The following TET1 variants were observed in gnomAD, a reference collection of about 807,000 sequenced individuals.
TET1 encodes the protein methylcytosine dioxygenase TET1.
In TET1, 13 loss-of-function variants were observed where a neutral mutation model predicts 148.7. The observed-to-expected ratio is 0.09, with a 90% CI of 0.06 to 0.14. TET1 has a LOEUF of 0.14. TET1 is among the 10% of genes least tolerant of loss of function. TET1 has a pLI of 1.00. For missense variants in TET1, 2,182 were observed against 2,553.8 expected, an observed-to-expected ratio of 0.85 and a Z score of 3.14; for synonymous variants, 907 against 937.2, an observed-to-expected ratio of 0.97 and a Z score of 0.59.
At chr10:68,636,607 G>A (rs963941960) in intron 3 of TET1, among the ~76,000 whole-genome samples, 1 of 152,150 alleles carries the variant, frequency 6.6e-6, no homozygotes, top group Non-Finnish European at 1.5e-5. Context: ...CTGAGAGATC[G>A]AGACTGTAGT....
At position 68,691,612 on chromosome 10, in the gene TET1, C is replaced by T; in HGVS notation, c.6209C>T (p.Ala2070Val). ...GAACTAAACAAGATTAAGTTTGAGG[C>T]TAAAGAAGCTAAGAATAAGAAAATG... The part of the protein sequence containing the change: ...GFELNKIKFE[A>V]KEAKNKKMKA... The change falls in exon 12 of 12, where the codon GCT becomes GTT. Residue 2070 changes from alanine (A) to valine (V), a missense_variant. Transcript: ENST00000373644. This position sits in a 1 kb window ranked among gnomAD's most constrained non-coding sequence, Gnocchi z 4.4. The T allele has an allele frequency of 6.2e-7, 1 of 1,614,048 alleles. No homozygotes were observed. The highest frequency in any genetic ancestry group is 8.5e-7 in the Non-Finnish European group (1 of 1,180,012).
intron 3 of TET1, among the ~76,000 whole-genome samples, chr10:68,603,027 G>C (rs2054078777): frequency 6.6e-6 from 1 of 152,146 alleles, no homozygotes; most frequent in African/African-American, 2.4e-5. Flanking sequence ...AATGAAACCT[G>C]TGTTTGGGAG....
intron 8 of TET1, chr10:68,673,449 A>T: frequency 2.4e-6 from 1 of 412,950 alleles, no homozygotes; most frequent in Non-Finnish European, 4.9e-6. Flanking sequence ...AAGAAGATAT[A>T]TGAAACCGGA....
At chr10:68,562,156 T>C (rs2053561854) in intron 1 of TET1, among the ~76,000 whole-genome samples, 1 of 152,084 alleles carries the variant, frequency 6.6e-6, no homozygotes, top group African/African-American at 2.4e-5. Context: ...AGAGCGGCGC[T>C]GTATAGCAGC....
chr10:68,602,813 G>GA (rs1337263602), intron 3 of TET1, among the ~76,000 whole-genome samples: 6 of 151,792 alleles, frequency 4.0e-5, no homozygotes, highest in South Asian at 2.1e-4. Flanking sequence ...ATTCTAAAAG[G>GA]AAAAAAAATT....
intron 6 of TET1, among the ~76,000 whole-genome samples, chr10:68,661,436 C>A: frequency 7.0e-6 from 1 of 142,944 alleles, no homozygotes; most frequent in Non-Finnish European, 1.5e-5. Context: ...TTATCCTGTG[C>A]TTAGAGATTA....
In TET1 at chr10:68,573,915, C is replaced by T. The variant is rs749209014; in HGVS notation, c.1577C>T (p.Ala526Val). 8 of 1,614,060 alleles carry T rather than the reference C, an allele frequency of 5.0e-6. No individual in the cohort carries two copies. Among genetic ancestry groups the T allele is most frequent in the Non-Finnish European group, 6.8e-6 (8 of 1,180,050 alleles). ...PLAPERGLFH[A>V]SLGIAQLSQA... ...GCCCCTGAGAGAGGACTCTTCCATG[C>T]TTCACTGGGTATAGCCCAACTCTCT... The change falls in exon 2 of 12, where the codon GCT becomes GTT. Residue 526 changes from alanine to valine, a missense_variant. Around this residue, in one of 11 missense-constraint regions of TET1, gnomAD observed 665 missense variants for 672.4 expected, o/e 0.99. Coordinates refer to ENST00000373644, the MANE Select transcript of TET1 (RefSeq NM_030625.3).
intron 3 of TET1, among the ~76,000 whole-genome samples, chr10:68,624,200 A>G (rs142467649): frequency 0.038 from 5,725 of 151,584 alleles, 366 homozygotes; most frequent in African/African-American, 0.13. Context: ...GGGTTCAAGC[A>G]ATTCTCCTGC....
intron 3 of TET1, among the ~76,000 whole-genome samples, chr10:68,608,540 T>C (rs1214435496): frequency 6.6e-6 from 1 of 151,980 alleles, no homozygotes; most frequent in African/African-American, 2.4e-5. Flanking sequence ...AGGCCTATTA[T>C]TTATTTATTT....
At chr10:68,586,034 T>C (rs1476430354) in intron 2 of TET1, among the ~76,000 whole-genome samples, 1 of 151,198 alleles carries the variant, frequency 6.6e-6, no homozygotes, top group Non-Finnish European at 1.5e-5. Flanking sequence ...TTTTTTGAGA[T>C]AGAGTTGTTC....
At chr10:68,647,847 C>T (rs1002811794) in intron 4 of TET1, among the ~76,000 whole-genome samples, 16 of 152,264 alleles carry the variant, frequency 1.1e-4, no homozygotes, top group South Asian at 2.1e-4. Context: ...AGTGCTTTTA[C>T]GCTCTGTCCA....
intron 3 of TET1, among the ~76,000 whole-genome samples, chr10:68,634,244 T>C (rs549990456): frequency 6.6e-6 from 1 of 152,288 alleles, no homozygotes; most frequent in East Asian, 1.9e-4. Context: ...AGCAGCTTGC[T>C]CTGAACTCAG....
rs770859828 is a variant in TET1 at position 68,686,492 on chromosome 10, A to C, written c.5189A>C (p.Lys1730Thr). Reference protein sequence around the residue: ...GSKEGMEAKIKSGAIEVLAPR... With the variant: ...GSKEGMEAKITSGAIEVLAPR... ...AAGGAAGGAATGGAAGCCAAGATCA[A>C]ATCTGGGGCCATCGAGGTCCTGGCA... The change falls in exon 11 of 12, where the codon AAA (lysine) becomes ACA (threonine). Residue 1730 changes from lysine to threonine, a missense_variant. By Grantham distance (78) the Lys-to-Thr change is moderately conservative (BLOSUM62 -1). Transcript: ENST00000373644. The C allele has an allele frequency of 6.2e-7, 1 of 1,614,062 alleles. No individual in the cohort carries two copies. Among genetic ancestry groups the C allele is most frequent in the African/African-American group, 1.3e-5 (1 of 74,904 alleles).
At chr10:68,595,981 T>TACATACACC (rs1159203921) in intron 2 of TET1, among the ~76,000 whole-genome samples, 614 of 40,792 alleles carry the variant, frequency 0.015, 25 homozygotes, top group South Asian at 0.13. Context: ...CACACACATA[T>TACATACACC]ATACACACAC....
At chr10:68,560,914 C>G (rs1416170294) in intron 1 of TET1, among the ~76,000 whole-genome samples, 172 bp downstream of exon 1, 1 of 152,158 alleles carries the variant, frequency 6.6e-6, no homozygotes, top group Non-Finnish European at 1.5e-5. Flanking sequence ...CTCGACCCCC[C>G]ACCCCGGGAC....
intron 2 of TET1, among the ~76,000 whole-genome samples, chr10:68,574,969 T>C (rs369006237): frequency 1.3e-5 from 2 of 152,242 alleles, no homozygotes; most frequent in Non-Finnish European, 1.5e-5. Flanking sequence ...AAACCCAGTA[T>C]TGCTTTTTTG....
intron 2 of TET1, among the ~76,000 whole-genome samples, chr10:68,600,425 C>A (rs1235546544): frequency 6.6e-6 from 1 of 152,174 alleles, no homozygotes; most frequent in East Asian, 1.9e-4. Context: ...CTCCATGTCG[C>A]AGCTTGTGGC....
intron 8 of TET1, among the ~76,000 whole-genome samples, chr10:68,677,063 T>A (rs1257144269): frequency 6.6e-6 from 1 of 152,208 alleles, no homozygotes; most frequent in African/African-American, 2.4e-5. Context: ...TGGCAACAGT[T>A]TTTTTGGGAT....
chr10:68,637,992 C>G (rs186765538), intron 3 of TET1, among the ~76,000 whole-genome samples: 1 of 152,294 alleles, frequency 6.6e-6, no homozygotes, highest in African/African-American at 2.4e-5. Context: ...GTTGGCCAGG[C>G]TGGTCTTGAA....
Sources: allele counts gnomAD v4.1 joint callset (sites outside exome capture counted in the v4.1 genomes callset), GRCh38; gene constraint gnomAD v4.1.1; regional missense constraint gnomAD v4.1.1; non-coding constraint Gnocchi (gnomAD v3.1); transcripts MANE v1.5; gene names NCBI Gene and HGNC (gene_info 2026-07-23, HGNC 2026-07-21).